Variants in CSE1L observed in about 807,000 individuals in gnomAD.
The protein encoded by CSE1L is chromosome segregation 1 like.
CSE1L carries 24 observed loss-of-function variants against 120.4 expected under a neutral mutation model. The observed-to-expected ratio is 0.20, with a 90% confidence interval of 0.14 to 0.28. CSE1L has a LOEUF of 0.28. CSE1L is among the 10% of genes least tolerant of loss of function. CSE1L has a pLI of 1.00. For missense variants in CSE1L, 830 were observed against 1,145.2 expected, an observed-to-expected ratio of 0.72 and a Z score of 3.97; for synonymous variants, 402 against 398.3, an observed-to-expected ratio of 1.01 and a Z score of -0.11.
intron 19 of CSE1L, 143 bp from the exon 20 acceptor site, chr20:49,090,599 G>A (rs1440961333): frequency 1.5e-6 from 1 of 652,282 alleles, no homozygotes; most frequent in Non-Finnish European, 2.6e-6. Flanking sequence ...GGGAGGAATT[G>A]TTCCCCATAT....
chr20:49,067,159 T>C lies in CSE1L; in HGVS notation c.477-31T>C, dbSNP rs750413669. On this transcript the variant is annotated intron_variant, in intron 5 of 24. Coordinates refer to ENST00000262982, the MANE Select transcript of CSE1L (RefSeq NM_001316.4). Reference sequence around the variant, plus strand: ...AAAGTGAGTAAATAAAAAAAACTTGTAAATTTATCTGTTTTACCTTAATTT... The same window carrying C: ...AAAGTGAGTAAATAAAAAAAACTTGCAAATTTATCTGTTTTACCTTAATTT... 26 of 1,442,328 alleles carry C rather than the reference T, an allele frequency of 1.8e-5. No homozygotes were observed. The South Asian group carries it at 2.9e-4, about 16-fold the overall frequency. The allele number at this position is 1,442,328 out of a possible 1,614,324, so 89.3% of individuals were successfully genotyped here.
rs150407155 is a variant in CSE1L, at chr20:49,091,496, G to A, written c.2365+474G>A. Among the ~76,000 whole-genome samples, 322 of 152,048 alleles carry A rather than the reference G, an allele frequency of 2.1e-3. 2 individuals are homozygous for A. Among genetic ancestry groups the A allele is most frequent in the Non-Finnish European group, 3.2e-3 (215 of 67,982 alleles). On this transcript the variant is annotated intron_variant, in intron 21 of 24. Coordinates refer to ENST00000262982, the MANE Select transcript of CSE1L (RefSeq NM_001316.4). ...CATCTGTAATCCCAGCACTTTGGGA[G>A]GTGAAAGTGGGAGTATTCCTTGAGT...
chr20:49,070,869 G>C (rs1219329278), intron 8 of CSE1L, among the ~76,000 whole-genome samples: 3 of 152,232 alleles, frequency 2.0e-5, no homozygotes, highest in Non-Finnish European at 4.4e-5. Context: ...TTGAGCCCAG[G>C]AGGGCAAGGC....
chr20:49,067,745 TTTTTA>T (rs1417858857), intron 6 of CSE1L, among the ~76,000 whole-genome samples: 1 of 151,804 alleles, frequency 6.6e-6, no homozygotes, highest in Non-Finnish European at 1.5e-5. Flanking sequence ...TCTTTTTTCT[TTTTTA>T]AAGACAGGGT....
chr20:49,061,647 C>T lies in CSE1L; in HGVS notation c.86-1555C>T, dbSNP rs906769243. ...CCTCCCGAGTAGCTGGGACTACAGG[C>T]GCCCGCCACCACACCCGGCTAATTT... On this transcript the variant is annotated intron_variant, in intron 2 of 24. Transcript: ENST00000262982. Among the ~76,000 whole-genome samples, 9 of 151,742 alleles carry T rather than the reference C, an allele frequency of 5.9e-5. No homozygotes were observed. In the South Asian group the frequency reaches 8.4e-4, roughly 14 times the overall value.
At chr20:49,056,293 C>T (rs191929617) in intron 1 of CSE1L, among the ~76,000 whole-genome samples, 45 of 152,066 alleles carry the variant, frequency 3.0e-4, no homozygotes, top group African/African-American at 1.0e-3. Context: ...TTAGTAGAGA[C>T]GGGATTCACC....
chr20:49,052,959 A>G (rs750220516), intron 1 of CSE1L, among the ~76,000 whole-genome samples: 7 of 152,160 alleles, frequency 4.6e-5, no homozygotes, highest in Admixed American at 3.3e-4. Context: ...TACAAATGCT[A>G]GAGAAACATA....
At chr20:49,077,215 A>G (rs2091976467) in intron 13 of CSE1L, 151 bp downstream of exon 13, 2 of 531,572 alleles carry the variant, frequency 3.8e-6, no homozygotes, top group African/African-American at 4.2e-5. Context: ...GCTGGAGTGC[A>G]GTGGCACAGT....
chr20:49,072,749 T>A (rs1265799795), intron 10 of CSE1L, 52 bp downstream of exon 10: 2 of 1,495,842 alleles, frequency 1.3e-6, no homozygotes, highest in Non-Finnish European at 9.0e-7. Context: ...TGTGTTTGTT[T>A]TTTGTAACAT....
intron 16 of CSE1L, among the ~76,000 whole-genome samples, chr20:49,087,354 T>TTTC (rs1022468868): frequency 2.1e-5 from 3 of 144,490 alleles, no homozygotes; most frequent in African/African-American, 7.6e-5. Flanking sequence ...TCTTTTTCTT[T>TTTC]TTTTTTTTTT....
At chr20:49,069,347 C>G (rs2091915805) in intron 7 of CSE1L, among the ~76,000 whole-genome samples, 1 of 152,186 alleles carries the variant, frequency 6.6e-6, no homozygotes, top group Non-Finnish European at 1.5e-5. Flanking sequence ...TACCCTGTTG[C>G]TACTGAGATA....
intron 22 of CSE1L, 43 bp downstream of exon 22, chr20:49,092,170 G>T: frequency 1.7e-6 from 2 of 1,194,658 alleles, no homozygotes; most frequent in South Asian, 2.7e-5. Flanking sequence ...AAAATGTTTT[G>T]ACTTTTTTTT....
chr20:49,047,326 G>T (rs1157090853), intron 1 of CSE1L, among the ~76,000 whole-genome samples: 1 of 152,096 alleles, frequency 6.6e-6, no homozygotes, highest in African/African-American at 2.4e-5. Context: ...GGTTCCCTGG[G>T]AGCTGACGGT....
chr20:49,084,729 A>G (rs1040706815), intron 15 of CSE1L, among the ~76,000 whole-genome samples: 1 of 152,192 alleles, frequency 6.6e-6, no homozygotes, highest in African/African-American at 2.4e-5. Context: ...GATGGTCTGC[A>G]TGTCTTTCAG....
chr20:49,060,984 C>T (rs1054326779), intron 2 of CSE1L, among the ~76,000 whole-genome samples: 7 of 152,080 alleles, frequency 4.6e-5, no homozygotes, highest in East Asian at 1.9e-4. Flanking sequence ...TGTATGATGA[C>T]TAGAATCATG....
Position 49,068,758 on chromosome 20 carries a change from C to T in CSE1L, c.611C>T (p.Ala204Val), listed in dbSNP as rs772680000. ...AGTACCCATGCAAATGATGCCTCTG[C>T]CCTGAGGATTCTGTTTTCTTCCCTG... ...LCSTHANDASALRILFSSLIL... is the reference protein window; with the variant it reads ...LCSTHANDASVLRILFSSLIL... The change falls in exon 7 of 25, where the codon GCC becomes GTC. Residue 204 changes from alanine (A) to valine (V), a missense_variant. Ala to Val is a moderately conservative substitution (Grantham distance 64, BLOSUM62 0). Around this residue, in one of 4 missense-constraint regions of CSE1L, gnomAD observed 543 missense variants for 640.2 expected, o/e 0.85. Transcript: ENST00000262982. 6.2e-6 allele frequency: 10 copies of T among 1,613,992 alleles called. No homozygotes were observed. Among genetic ancestry groups the T allele is most frequent in the Non-Finnish European group, 8.5e-6 (10 of 1,179,852 alleles).
chr20:49,062,104 TCCTC>T, intron 2 of CSE1L, among the ~76,000 whole-genome samples: 1 of 152,200 alleles, frequency 6.6e-6, no homozygotes, highest in Admixed American at 6.5e-5. Flanking sequence ...TATGGGCTTT[TCCTC>T]AAATCATGGA....
At chr20:49,095,007 A>G in intron 24 of CSE1L, 44 bp downstream of exon 24, 1 of 1,453,174 alleles carries the variant, frequency 6.9e-7, no homozygotes, top group Non-Finnish European at 9.6e-7. Context: ...GGAGACTTTA[A>G]TGGGAGGGCA....
chr20:49,068,844 C>T (rs371699507), intron 7 of CSE1L, 22 bp downstream of exon 7: 1 of 1,452,828 alleles, frequency 6.9e-7, no homozygotes, highest in Non-Finnish European at 9.7e-7. Context: ...TGATTTCTTG[C>T]TTTTGGTTCT....
Sources: gnomAD v4.1 joint callset for allele counts (sites outside exome capture counted in the v4.1 genomes callset) on GRCh38, gnomAD v4.1.1 for gene constraint, gnomAD v4.1.1 regional missense constraint, MANE v1.5 for transcripts, NCBI Gene and HGNC (gene_info 2026-07-23, HGNC 2026-07-21) for gene names.